HK2: variants seen among roughly 807,000 people sequenced by gnomAD.
HK2 encodes hexokinase 2.
A neutral mutation model predicts 92.9 loss-of-function variants in HK2; 42 were observed. That is an observed-to-expected ratio of 0.45 (90% confidence interval 0.35 to 0.58). The LOEUF (loss-of-function observed/expected upper bound fraction) is 0.58. Among genes scored for constraint, HK2 ranks in the 20% least tolerant of loss-of-function variants. The pLI is 0.00. For synonymous variants in HK2, 422 were observed against 468.0 expected, an observed-to-expected ratio of 0.90 and a Z score of 1.27; for missense variants, 978 against 1,245.1, an observed-to-expected ratio of 0.79 and a Z score of 3.23.
intron 1 of HK2, among the ~76,000 whole-genome samples, chr2:74,835,938 T>C (rs1018251892): frequency 1.1e-4 from 17 of 152,200 alleles, no homozygotes; most frequent in Admixed American, 3.3e-4. Flanking sequence ...AATGTAGTGA[T>C]GGCGCGTGAA....
At chr2:74,844,028 G>A (rs766334239) in intron 1 of HK2, among the ~76,000 whole-genome samples, 2 of 152,204 alleles carry the variant, frequency 1.3e-5, no homozygotes, top group Non-Finnish European at 2.9e-5. Context: ...CCCAGGGCAA[G>A]CCAGAATCCA....
chr2:74,869,602 T>G (rs191187734), intron 3 of HK2, among the ~76,000 whole-genome samples: 57 of 152,340 alleles, frequency 3.7e-4, no homozygotes, highest in African/African-American at 1.3e-3. Flanking sequence ...TGGCAGCCAC[T>G]TTAAGATTTT....
At chr2:74,855,409 A>G (rs748046829) in intron 2 of HK2, among the ~76,000 whole-genome samples, 12 of 152,134 alleles carry the variant, frequency 7.9e-5, no homozygotes, top group Non-Finnish European at 1.5e-4. Flanking sequence ...TCGCTCTGTC[A>G]CCCAGGCTAG....
chr2:74,880,614 C>A, intron 10 of HK2, 45 bp downstream of exon 10: 3 of 1,586,186 alleles, frequency 1.9e-6, no homozygotes, highest in Non-Finnish European at 2.6e-6. Context: ...GGGCCTTTGT[C>A]CTGGTGTTGA....
rs751014172 is a variant in HK2, at chr2:74,889,300, A to G, written c.2431A>G (p.Ser811Gly). The G allele has an allele frequency of 6.2e-6, 10 of 1,614,190 alleles. No homozygotes were observed. The highest frequency in any genetic ancestry group is 8.5e-6 in the Non-Finnish European group (10 of 1,180,038). ...CATCCTGCAACACTTAGGGCTTGAG[A>G]GCACCTGTGACGACAGCATCATTGT... ...RAILQHLGLE[S>G]TCDDSIIVKE... Residue 811 changes from serine to glycine, a missense_variant, in exon 17 of 18, where the codon AGC becomes GGC. By Grantham distance (56) the Ser-to-Gly change is moderately conservative. Coordinates refer to ENST00000290573, the MANE Select transcript of HK2 (RefSeq NM_000189.5).
chr2:74,842,851 G>C (rs981696452), intron 1 of HK2, among the ~76,000 whole-genome samples: 1 of 152,250 alleles, frequency 6.6e-6, no homozygotes, highest in African/African-American at 2.4e-5. Context: ...GCATCCTTGC[G>C]ATGTCGCAGG....
intron 2 of HK2, among the ~76,000 whole-genome samples, chr2:74,855,048 G>C (rs576151199): frequency 1.3e-5 from 2 of 152,200 alleles, no homozygotes; most frequent in Non-Finnish European, 2.9e-5. Flanking sequence ...CCAGGCTGGC[G>C]TGCAATGATG....
At chr2:74,856,757 G>A (rs988256827) in intron 2 of HK2, among the ~76,000 whole-genome samples, 1 of 152,252 alleles carries the variant, frequency 6.6e-6, no homozygotes, top group Non-Finnish European at 1.5e-5. Context: ...CCTACAGCCA[G>A]TGGGAGGCCG....
chr2:74,865,779 A>G (rs1007111183), intron 2 of HK2, among the ~76,000 whole-genome samples: 2 of 152,060 alleles, frequency 1.3e-5, no homozygotes, highest in Non-Finnish European at 2.9e-5. Flanking sequence ...GGTTTCTGCA[A>G]TCCCTTCTGC....
intron 2 of HK2, among the ~76,000 whole-genome samples, chr2:74,859,936 T>C (rs1392091420): frequency 6.6e-6 from 1 of 152,118 alleles, no homozygotes; most frequent in Non-Finnish European, 1.5e-5. Context: ...AATGGACAGA[T>C]GATTGGATAA....
chr2:74,881,640 TTTTAAG>T, intron 10 of HK2, 65 bp from the exon 11 acceptor site: 1 of 1,506,640 alleles, frequency 6.6e-7, no homozygotes, highest in Non-Finnish European at 9.2e-7. Flanking sequence ...ATTTGGATCG[TTTTAAG>T]TGTACTGTCT....
intron 1 of HK2, among the ~76,000 whole-genome samples, chr2:74,835,733 C>A (rs1431286936): frequency 6.6e-6 from 1 of 152,124 alleles, no homozygotes; most frequent in Admixed American, 6.5e-5. Context: ...AGGTAGGGGA[C>A]AAGTTGGGAG....
chr2:74,864,203 G>A (rs887124995), intron 2 of HK2, among the ~76,000 whole-genome samples: 1 of 152,190 alleles, frequency 6.6e-6, no homozygotes, highest in African/African-American at 2.4e-5. Flanking sequence ...AGCCACTAGA[G>A]CCCTTTTGGA....
At chr2:74,857,075 A>G (rs1373304018) in intron 2 of HK2, among the ~76,000 whole-genome samples, 4 of 152,188 alleles carry the variant, frequency 2.6e-5, no homozygotes, top group Admixed American at 2.0e-4. Context: ...CACATACTGG[A>G]ATGTCTTACT....
intron 2 of HK2, among the ~76,000 whole-genome samples, chr2:74,863,682 T>C (rs1688884983): frequency 6.6e-6 from 1 of 152,154 alleles, no homozygotes; most frequent in South Asian, 2.1e-4. Flanking sequence ...AGCAGTCCAC[T>C]GTTGTGTGCT....
chr2:74,862,807 G>A (rs1294023100), intron 2 of HK2, among the ~76,000 whole-genome samples: 2 of 152,306 alleles, frequency 1.3e-5, no homozygotes, highest in Middle Eastern at 3.4e-3. Flanking sequence ...GACAAGGTGC[G>A]TGTGTGTATG....
chr2:74,859,112 G>A (rs1165380942), intron 2 of HK2, among the ~76,000 whole-genome samples: 1 of 152,190 alleles, frequency 6.6e-6, no homozygotes, highest in Non-Finnish European at 1.5e-5. Context: ...GAAGTTGAAA[G>A]AATTCTATAG....
Position 74,885,885 on chromosome 2 carries a change from C to CACACACACACACACAA in HK2, c.1935+297_1935+298insCACACACACACACAAA, listed in dbSNP as rs58908262. On this transcript the variant is annotated intron_variant, in intron 13 of 17. Transcript: ENST00000290573. ...ACACACACACACACACACACACACA[C>CACACACACACACACAA]AGTAAAGGAATAAAAGAATGGCCAC... Among the ~76,000 whole-genome samples, 179 of 148,532 alleles carry CACACACACACACACAA rather than the reference C, an allele frequency of 1.2e-3. 2 individuals are homozygous for CACACACACACACACAA. The highest frequency in any genetic ancestry group is 4.3e-3 in the African/African-American group (171 of 39,412).
rs1376224141 is a variant in HK2, at chr2:74,834,804, C to A, written c.63+161C>A. Among the ~76,000 whole-genome samples the A allele has an allele frequency of 6.8e-6, 1 of 147,430 alleles. No homozygotes were observed. The highest frequency in any genetic ancestry group is 1.5e-5 in the Non-Finnish European group (1 of 64,524). ...GGACACTCCTGGGCGCCAGGAGCCA[C>A]GTCCGCTAAGCACAGCCGGCGAGTG... On this transcript the variant is annotated intron_variant, in intron 1 of 17. Transcript: ENST00000290573. This position sits in a 1 kb window ranked among gnomAD's most constrained non-coding sequence, Gnocchi z 4.2.
Sources: gnomAD v4.1 joint callset for allele counts (sites outside exome capture counted in the v4.1 genomes callset) on GRCh38, gnomAD v4.1.1 for gene constraint, Gnocchi (gnomAD v3.1) non-coding constraint, MANE v1.5 for transcripts, NCBI Gene and HGNC (gene_info 2026-07-23, HGNC 2026-07-21) for gene names.